RGL1: variants seen among roughly 807,000 people sequenced by gnomAD.
RGL1 encodes the protein ral guanine nucleotide dissociation stimulator-like 1.
Under a neutral mutation model 95.2 loss-of-function variants are expected in RGL1, and 24 were observed. The observed-to-expected ratio is 0.25, with a 90% CI of 0.18 to 0.35. RGL1 has a LOEUF of 0.35. RGL1 is among the 10% of genes least tolerant of loss of function. The probability of loss-of-function intolerance (pLI) is 1.00; values close to 1 mark genes in which losing one functional copy is unlikely to be tolerated. For missense variants in RGL1, 715 were observed against 936.3 expected, an observed-to-expected ratio of 0.76 and a Z score of 3.08; for synonymous variants, 329 against 344.9, an observed-to-expected ratio of 0.95 and a Z score of 0.51.
At chr1:183,883,750 G>A in intron 5 of RGL1, 36 bp from the exon 6 acceptor site, 1 of 1,611,776 alleles carries the variant, frequency 6.2e-7, no homozygotes, top group Non-Finnish European at 8.5e-7. Flanking sequence ...TATATACACT[G>A]GCGCCAAATT....
chr1:183,764,126 T>C (rs1169912096), intron 2 of RGL1, among the ~76,000 whole-genome samples: 4 of 152,176 alleles, frequency 2.6e-5, no homozygotes, highest in Non-Finnish European at 1.5e-5. Flanking sequence ...GGTGTATTAT[T>C]ACCACAACAC....
chr1:183,739,256 A>G (rs986509855), intron 1 of RGL1, among the ~76,000 whole-genome samples: 1 of 152,222 alleles, frequency 6.6e-6, no homozygotes, highest in Admixed American at 6.5e-5. Flanking sequence ...AGGTGTGACC[A>G]TCTCTCAAGG....
chr1:183,891,751 T>G (rs986496130), intron 8 of RGL1, among the ~76,000 whole-genome samples: 4 of 144,084 alleles, frequency 2.8e-5, no homozygotes, highest in Non-Finnish European at 6.1e-5. Context: ...TTTTTTTTTT[T>G]TTTTTTTTTG....
At chr1:183,645,225 AC>A (rs151294364) in intron 1 of RGL1, among the ~76,000 whole-genome samples, 10,422 of 152,272 alleles carry the variant, frequency 0.068, 616 homozygotes, top group African/African-American at 0.16. Flanking sequence ...TATAAGTCTT[AC>A]TAGAAATCAG....
At chr1:183,790,923 T>TAC (rs66642623) in intron 2 of RGL1, among the ~76,000 whole-genome samples, 55,537 of 149,600 alleles carry the variant, frequency 0.37, 10,129 homozygotes, top group Middle Eastern at 0.43. Context: ...CATGTATGTG[T>TAC]ACACACACAC....
At chr1:183,644,684 G>T (rs1650164525) in intron 1 of RGL1, among the ~76,000 whole-genome samples, 1 of 151,902 alleles carries the variant, frequency 6.6e-6, no homozygotes, top group East Asian at 1.9e-4. Context: ...ATTTATTTAT[G>T]TGGCTTTCCT....
At chr1:183,921,970 G>A (rs1214932395) in intron 16 of RGL1, among the ~76,000 whole-genome samples, 2 of 152,168 alleles carry the variant, frequency 1.3e-5, no homozygotes, top group Non-Finnish European at 2.9e-5. Flanking sequence ...CAAGGAAAGC[G>A]TTCTCTCCAT....
At chr1:183,720,752 G>A (rs1414189989) in intron 1 of RGL1, among the ~76,000 whole-genome samples, 2 of 152,218 alleles carry the variant, frequency 1.3e-5, no homozygotes, top group Non-Finnish European at 2.9e-5. Flanking sequence ...AGGGTAAGAA[G>A]TAGTTTTGGT....
intron 2 of RGL1, among the ~76,000 whole-genome samples, chr1:183,817,710 T>C (rs1242135223): frequency 2.6e-5 from 4 of 152,214 alleles, no homozygotes. Context: ...GATTTACTTA[T>C]GTTAAGTGTT....
intron 2 of RGL1, among the ~76,000 whole-genome samples, chr1:183,825,699 A>G (rs1662799595): frequency 6.6e-6 from 1 of 152,226 alleles, no homozygotes; most frequent in Non-Finnish European, 1.5e-5. Flanking sequence ...TTGTTTATAT[A>G]AAGTCATAAT....
intron 2 of RGL1, among the ~76,000 whole-genome samples, chr1:183,783,465 C>G (rs975512646): frequency 3.9e-5 from 6 of 152,130 alleles, no homozygotes; most frequent in African/African-American, 1.4e-4. Context: ...GGGACAGGAG[C>G]CCTTGCCCTC....
At chr1:183,824,116 T>G (rs1054220015) in intron 2 of RGL1, among the ~76,000 whole-genome samples, 1 of 152,156 alleles carries the variant, frequency 6.6e-6, no homozygotes, top group South Asian at 2.1e-4. Flanking sequence ...GATTTTATGT[T>G]AGTTCCTAGT....
chr1:183,641,150 A>G (rs1307200082), intron 1 of RGL1, among the ~76,000 whole-genome samples: 1 of 152,084 alleles, frequency 6.6e-6, no homozygotes, highest in Non-Finnish European at 1.5e-5. Context: ...TTTTTAAATA[A>G]TTGCCACAAG....
At chr1:183,866,120 AT>A (rs745473766) in intron 4 of RGL1, 47 bp downstream of exon 4, 1 of 1,441,504 alleles carries the variant, frequency 6.9e-7, no homozygotes, top group South Asian at 1.1e-5. Context: ...TCAAGACAAT[AT>A]CTTAAAGTAG....
intron 10 of RGL1, among the ~76,000 whole-genome samples, chr1:183,899,182 C>G (rs1667875157): frequency 6.6e-6 from 1 of 152,204 alleles, no homozygotes; most frequent in Non-Finnish European, 1.5e-5. Context: ...TTGTTAACAT[C>G]TTCTAAAACC....
At chr1:183,767,598 T>C (rs1423833243) in intron 2 of RGL1, among the ~76,000 whole-genome samples, 2 of 152,174 alleles carry the variant, frequency 1.3e-5, no homozygotes, top group African/African-American at 4.8e-5. Context: ...AACAAATCAG[T>C]GCAAGCATTT....
chr1:183,657,383 G>A (rs1651249494), intron 1 of RGL1, among the ~76,000 whole-genome samples: 1 of 152,168 alleles, frequency 6.6e-6, no homozygotes, highest in Non-Finnish European at 1.5e-5. Context: ...TTGGTGTGCT[G>A]CACCCATTAA....
intron 3 of RGL1, among the ~76,000 whole-genome samples, chr1:183,857,646 G>A (rs1665242218): frequency 6.6e-6 from 1 of 152,184 alleles, no homozygotes; most frequent in African/African-American, 2.4e-5. Context: ...TTTTCTCCCT[G>A]TAACTATGCC....
At chr1:183,910,810 T>G (rs1668602903) in intron 14 of RGL1, among the ~76,000 whole-genome samples, 1 of 152,252 alleles carries the variant, frequency 6.6e-6, no homozygotes, top group Non-Finnish European at 1.5e-5. Context: ...TCTTCCTTTA[T>G]TAGGATGTCT....
Sources: allele counts gnomAD v4.1 joint callset (sites outside exome capture counted in the v4.1 genomes callset), GRCh38; gene constraint gnomAD v4.1.1; transcripts MANE v1.5; gene names NCBI Gene and HGNC (gene_info 2026-07-23, HGNC 2026-07-21).